The following RALGAPB variants were observed in gnomAD, a reference collection of about 807,000 sequenced individuals.
RALGAPB encodes the protein ral GTPase-activating protein subunit beta.
RALGAPB carries 25 observed loss-of-function variants against 161.1 expected under a neutral mutation model. The ratio of observed to expected loss-of-function variants is 0.16; its 90% CI spans 0.11 to 0.22. The LOEUF (loss-of-function observed/expected upper bound fraction) is 0.22, where lower values mean the gene tolerates loss of function less well. Among genes scored for constraint, RALGAPB ranks in the 10% least tolerant of loss-of-function variants. The probability of loss-of-function intolerance (pLI) is 1.00; values close to 1 mark genes in which losing one functional copy is unlikely to be tolerated. For missense variants in RALGAPB, 1,391 were observed against 1,815.2 expected (o/e 0.77, Z 4.25); for synonymous variants, 629 against 626.1 (o/e 1.00, Z -0.07).
chr20:38,571,551 A>G (rs2088240231), intron 28 of RALGAPB, among the ~76,000 whole-genome samples: 1 of 152,220 alleles, frequency 6.6e-6, no homozygotes, highest in South Asian at 2.1e-4. Flanking sequence ...CCATTTTAAG[A>G]CTGAATAATA....
chr20:38,511,333 T>A (rs1021926731), intron 6 of RALGAPB, among the ~76,000 whole-genome samples: 2 of 151,862 alleles, frequency 1.3e-5, no homozygotes, highest in African/African-American at 4.8e-5. Context: ...TTTTTTTTTT[T>A]TTAATTTTTT....
chr20:38,498,069 CAA>C (rs11481813), intron 4 of RALGAPB, among the ~76,000 whole-genome samples: 8 of 123,856 alleles, frequency 6.5e-5, no homozygotes, highest in East Asian at 2.2e-4. Context: ...GACTCTGTCT[CAA>C]AAAAAAAAAA....
chr20:38,548,763 C>T lies in RALGAPB; in HGVS notation c.2977C>T (p.Leu993Phe). The change falls in exon 20 of 30, where the codon CTT becomes TTT. Residue 993 changes from leucine (L) to phenylalanine (F), a missense_variant. Physicochemically the swap from Leu to Phe is conservative, Grantham distance 22. Coordinates refer to ENST00000262879, the MANE Select transcript of RALGAPB (RefSeq NM_020336.4). ...GRLAWAQQLCLLPRGAKANQK... is the reference protein window; with the variant it reads ...GRLAWAQQLCFLPRGAKANQK... ...ACTTGCTTGGGCACAACAGCTTTGT[C>T]TTTTACCCAGAGGAGCAAAAGCAAA... 1 of 1,613,924 alleles carries T rather than the reference C, an allele frequency of 6.2e-7. No individual in the cohort carries two copies. Among genetic ancestry groups the T allele is most frequent in the Non-Finnish European group, 8.5e-7 (1 of 1,179,820 alleles).
intron 20 of RALGAPB, among the ~76,000 whole-genome samples, chr20:38,549,399 T>C (rs1273834362): frequency 6.6e-6 from 1 of 151,796 alleles, no homozygotes; most frequent in Non-Finnish European, 1.5e-5. Context: ...AGCTCATTTT[T>C]AAAATTTTTT....
At chr20:38,525,096 CCACCT>C (rs1283443771) in intron 11 of RALGAPB, 151 bp downstream of exon 11, 12 of 801,666 alleles carry the variant, frequency 1.5e-5, no homozygotes, top group Non-Finnish European at 2.2e-5. Flanking sequence ...GTGTCCAAAC[CCACCT>C]CATCCCTGAA....
At chr20:38,482,721 G>A (rs879722166) in intron 1 of RALGAPB, among the ~76,000 whole-genome samples, 2 of 151,824 alleles carry the variant, frequency 1.3e-5, no homozygotes, top group Non-Finnish European at 2.9e-5. Flanking sequence ...GAGCCACCGC[G>A]TCTGGTGTAT....
chr20:38,562,681 T>C lies in RALGAPB; in HGVS notation c.3681T>C (p.Gly1227=), dbSNP rs2087826873. 1 of 1,610,006 alleles carries C rather than the reference T, an allele frequency of 6.2e-7. No individual in the cohort carries two copies. Among genetic ancestry groups the C allele is most frequent in the South Asian group, 1.1e-5 (1 of 89,864 alleles). The change falls in exon 24 of 30, where the codon GGT becomes GGC. Residue 1227 remains glycine (G), a synonymous_variant. Coordinates refer to ENST00000262879, the MANE Select transcript of RALGAPB (RefSeq NM_020336.4). ...TSWSINCCDD[G]EGSQQEVISS... is the part of the protein sequence containing the mutation. ...GGTCTATTAATTGTTGTGATGATGG[T>C]GAAGGATCTCAACAAGGTAAAACTC...
Position 38,476,156 on chromosome 20 carries a change from G to A in RALGAPB, c.-31+3087G>A, listed in dbSNP as rs114688717. 5.1e-3 allele frequency among the ~76,000 whole-genome samples: 775 copies of A among 152,230 alleles called. 6 individuals carry two copies. The highest frequency in any genetic ancestry group is 0.018 in the African/African-American group (739 of 41,536). On this transcript the variant is annotated intron_variant, in intron 1 of 29. Coordinates refer to ENST00000262879, the MANE Select transcript of RALGAPB (RefSeq NM_020336.4). The stretch of plus-strand genomic sequence containing the variant: ...GCTGAAGGTTTAAGTCTGTAGTTGT[G>A]CCCCAAAGTAAAGGTGAAAAATTCC...
Position 38,562,547 on chromosome 20 carries a change from G to C in RALGAPB, c.3547G>C (p.Glu1183Gln), listed in dbSNP as rs1475100856. 1 of 1,603,674 alleles carries C rather than the reference G, an allele frequency of 6.2e-7. No homozygotes were observed. The highest frequency in any genetic ancestry group is 1.7e-5 in the Admixed American group (1 of 58,324). Residue 1183 changes from glutamate to glutamine, a missense_variant, in exon 24 of 30, where the codon GAG becomes CAG. Coordinates refer to ENST00000262879, the MANE Select transcript of RALGAPB (RefSeq NM_020336.4). ...TGTATTTCAGATTTTAAAGAATGTGGAGTCTTCCAGAACTGTTCAGCCACA... is the reference window on the plus strand; with the variant it reads ...TGTATTTCAGATTTTAAAGAATGTGCAGTCTTCCAGAACTGTTCAGCCACA... ...KTNQEILKNV[E>Q]SSRTVQPHFL...
At chr20:38,510,164 A>G (rs1428858704) in intron 6 of RALGAPB, among the ~76,000 whole-genome samples, 1 of 149,164 alleles carries the variant, frequency 6.7e-6, no homozygotes. Context: ...ACACACACAC[A>G]CAGACACACG....
chr20:38,490,277 T>C (rs1177125627), intron 2 of RALGAPB, among the ~76,000 whole-genome samples: 1 of 151,934 alleles, frequency 6.6e-6, no homozygotes, highest in African/African-American at 2.4e-5. Flanking sequence ...GGCATGATCT[T>C]GGCTCACTGC....
intron 6 of RALGAPB, among the ~76,000 whole-genome samples, chr20:38,511,989 G>A (rs1190249777): frequency 6.6e-6 from 1 of 152,210 alleles, no homozygotes; most frequent in East Asian, 1.9e-4. Context: ...GGCAGCTGGC[G>A]AGTCTGCCTT....
At chr20:38,553,777 CAAAAAAAAAAA>C (rs35778032) in intron 21 of RALGAPB, 79 bp from the exon 22 acceptor site, 8 of 278,810 alleles carry the variant, frequency 2.9e-5, no homozygotes, top group South Asian at 1.2e-4. Flanking sequence ...AGCCCAGTCT[CAAAAAAAAAAA>C]AAAAAAAAAA....
intron 3 of RALGAPB, among the ~76,000 whole-genome samples, 175 bp from the exon 4 acceptor site, chr20:38,497,178 C>G (rs2085451231): frequency 6.6e-6 from 1 of 152,200 alleles, no homozygotes; most frequent in Non-Finnish European, 1.5e-5. Context: ...GAGTGCTTAA[C>G]TTTACGACGA....
chr20:38,494,513 C>T (rs1361953536), intron 3 of RALGAPB, among the ~76,000 whole-genome samples: 1 of 152,014 alleles, frequency 6.6e-6, no homozygotes, highest in Non-Finnish European at 1.5e-5. Context: ...TGCTTATAAT[C>T]CCAGCTACAT....
chr20:38,497,559 A>G (rs755928408), intron 4 of RALGAPB, 43 bp downstream of exon 4: 11 of 1,564,504 alleles, frequency 7.0e-6, no homozygotes, highest in South Asian at 1.2e-5. Flanking sequence ...TGAGCTCCAA[A>G]TACAGTTCAT....
chr20:38,520,216 C>T, intron 9 of RALGAPB: 1 of 785,054 alleles, frequency 1.3e-6, no homozygotes, highest in Non-Finnish European at 1.5e-6. Flanking sequence ...TGATTTGTTT[C>T]CATTTATTTC....
chr20:38,547,780 A>T (rs1342393894), intron 19 of RALGAPB: 1 of 152,172 alleles, frequency 6.6e-6, no homozygotes, highest in Non-Finnish European at 1.5e-5. Context: ...CAGGCATCTC[A>T]TCCTTCTCTA....
chr20:38,539,255 G>A (rs2086896963), intron 16 of RALGAPB, among the ~76,000 whole-genome samples: 1 of 152,176 alleles, frequency 6.6e-6, no homozygotes, highest in Non-Finnish European at 1.5e-5. Context: ...AAGAGGAGTG[G>A]GAGGAAGGAT....
Sources: gnomAD v4.1 joint callset for allele counts (sites outside exome capture counted in the v4.1 genomes callset) on GRCh38, gnomAD v4.1.1 for gene constraint, MANE v1.5 for transcripts, NCBI Gene and HGNC (gene_info 2026-07-23, HGNC 2026-07-21) for gene names.